Variants in CCT6B observed in about 807,000 individuals in gnomAD.
The protein encoded by CCT6B is chaperonin containing TCP1 subunit 6B.
In CCT6B, 49 loss-of-function variants were observed where a neutral mutation model predicts 61.5. The ratio of observed to expected loss-of-function variants is 0.80; its 90% CI spans 0.63 to 1.01. The LOEUF is 1.01. CCT6B is among the 50% of genes least tolerant of loss of function. CCT6B has a pLI of 0.00. For synonymous variants in CCT6B, 228 were observed against 214.5 expected, an observed-to-expected ratio of 1.06 and a Z score of -0.55; for missense variants, 666 against 634.7, an observed-to-expected ratio of 1.05 and a Z score of -0.53.
intron 12 of CCT6B, 120 bp from the exon 13 acceptor site, chr17:34,929,154 CTCCATA>C: frequency 3.1e-6 from 2 of 644,130 alleles, no homozygotes; most frequent in Non-Finnish European, 5.6e-6. Context: ...CATCAATGAC[CTCCATA>C]TTGTTAAATC....
At chr17:34,948,182 T>C (rs1300611517) in intron 5 of CCT6B, among the ~76,000 whole-genome samples, 1 of 152,052 alleles carries the variant, frequency 6.6e-6, no homozygotes, top group Non-Finnish European at 1.5e-5. Context: ...TGTGTAGTCT[T>C]TTATCCCTCA....
intron 5 of CCT6B, among the ~76,000 whole-genome samples, chr17:34,945,347 T>C (rs944159973): frequency 2.6e-5 from 4 of 152,212 alleles, no homozygotes; most frequent in East Asian, 1.9e-4. Context: ...GGATGCCTAA[T>C]AGGCATCTCA....
In CCT6B at chr17:34,952,048, C is replaced by A. The variant is rs200274773; in HGVS notation, c.516G>T (p.Val172=). The change falls in exon 5 of 14, where the codon GTG becomes GTT. Residue 172 remains valine, a synonymous_variant. Coordinates refer to ENST00000314144, the MANE Select transcript of CCT6B (RefSeq NM_006584.4). ...TTCTAACAGCCAAAACAGAATCCAC[C>A]ACAACCTGAAAGAGAAATGAATGAG... The part of the protein sequence containing the change: ...AELADVLTEV[V]VDSVLAVRRP... 5 of 1,591,542 alleles carry A rather than the reference C, an allele frequency of 3.1e-6. No individual in the cohort carries two copies. Among genetic ancestry groups the A allele is most frequent in the Non-Finnish European group, 4.3e-6 (5 of 1,160,882 alleles).
intron 3 of CCT6B, among the ~76,000 whole-genome samples, chr17:34,958,300 C>A (rs1004221933): frequency 6.6e-6 from 1 of 152,034 alleles, no homozygotes; most frequent in South Asian, 2.1e-4. Context: ...AAACATTAGC[C>A]AGGCATGATG....
At chr17:34,960,926 G>C (rs2090406754) in intron 1 of CCT6B, among the ~76,000 whole-genome samples, 1 of 152,208 alleles carries the variant, frequency 6.6e-6, no homozygotes, top group Non-Finnish European at 1.5e-5. Context: ...TGAATTTATG[G>C]ACCAAGGGTA....
intron 11 of CCT6B, among the ~76,000 whole-genome samples, chr17:34,932,158 G>GTT (rs1414330341): frequency 6.6e-6 from 1 of 152,202 alleles, no homozygotes; most frequent in African/African-American, 2.4e-5. Flanking sequence ...AAGGGGGTAA[G>GTT]TTGGCTATTT....
intron 11 of CCT6B, 50 bp from the exon 12 acceptor site, chr17:34,931,101 T>A: frequency 1.8e-6 from 1 of 559,860 alleles, no homozygotes; most frequent in Non-Finnish European, 2.7e-6. Flanking sequence ...GCATAATACC[T>A]TCACATATAT....
Position 34,928,950 on chromosome 17 carries a change from A to C in CCT6B, c.1523+12T>G. 2 of 1,443,768 alleles carry C rather than the reference A, an allele frequency of 1.4e-6. No homozygotes were observed. Among genetic ancestry groups the C allele is most frequent in the Non-Finnish European group, 1.9e-6 (2 of 1,028,330 alleles). 89.4% of individuals were successfully genotyped at this position (1,443,768 alleles called of 1,614,324 possible). On this transcript the variant is annotated intron_variant, in intron 13 of 13. Transcript: ENST00000314144. ...TCTACAGGTCTTTCACTTTATGTTC[A>C]TATGAACTTACCAAGAGTGAAGAAG...
intron 9 of CCT6B, 46 bp from the exon 10 acceptor site, chr17:34,939,376 T>C (rs770948415): frequency 6.7e-7 from 1 of 1,483,834 alleles, no homozygotes; most frequent in Non-Finnish European, 9.3e-7. Context: ...TTGATGTCAT[T>C]ATAAAATCAA....
chr17:34,931,419 C>G (rs1422899018), intron 11 of CCT6B, among the ~76,000 whole-genome samples: 1 of 152,080 alleles, frequency 6.6e-6, no homozygotes, highest in Non-Finnish European at 1.5e-5. Context: ...GCCACATGCC[C>G]TCCAGTTCTT....
At chr17:34,947,785 C>T (rs2090241143) in intron 5 of CCT6B, among the ~76,000 whole-genome samples, 1 of 151,868 alleles carries the variant, frequency 6.6e-6, no homozygotes, top group Non-Finnish European at 1.5e-5. Flanking sequence ...AGTTCAAAAC[C>T]AGCCTGGCCA....
In CCT6B at chr17:34,930,009, G is replaced by C. The variant is rs189168703; in HGVS notation, c.1450+940C>G. ...TGATTGCAACTCCAACCTTCTACTT[G>C]TTCAGTTGACTTCTCTACAAAGTGG... On this transcript the variant is annotated intron_variant, in intron 12 of 13. Coordinates refer to ENST00000314144, the MANE Select transcript of CCT6B (RefSeq NM_006584.4). 1.4e-3 allele frequency among the ~76,000 whole-genome samples: 219 copies of C among 152,218 alleles called. 2 individuals carry two copies. The highest frequency in any genetic ancestry group is 4.9e-3 in the African/African-American group (203 of 41,546).
chr17:34,951,279 G>A (rs1424790313), intron 5 of CCT6B, among the ~76,000 whole-genome samples: 2 of 151,102 alleles, frequency 1.3e-5, no homozygotes, highest in Non-Finnish European at 2.9e-5. Flanking sequence ...AAAAGCAGGG[G>A]GTTTATGTTT....
intron 1 of CCT6B, among the ~76,000 whole-genome samples, chr17:34,960,850 C>T (rs2090405759): frequency 6.6e-6 from 1 of 152,208 alleles, no homozygotes; most frequent in African/African-American, 2.4e-5. Flanking sequence ...CCCATGCCTT[C>T]CTGGCTCCAA....
chr17:34,951,940 T>C lies in CCT6B; in HGVS notation c.614+10A>G, dbSNP rs1409731808. On this transcript the variant is annotated intron_variant, in intron 5 of 13. Transcript: ENST00000314144. ...AGAACCCATATGTTGTCAAAGCTTA[T>C]GTAATTTACTTTGTATCTGTTCCTA... The C allele has an allele frequency of 1.5e-6, 2 of 1,364,472 alleles. No homozygotes were observed. Among genetic ancestry groups the C allele is most frequent in the Admixed American group, 3.7e-5 (2 of 54,704 alleles). 84.5% of individuals were successfully genotyped at this position (1,364,472 alleles called of 1,614,324 possible). A position where few individuals can be genotyped will look rare whatever the true frequency, so the allele number is the denominator to read the frequency against.
intron 10 of CCT6B, among the ~76,000 whole-genome samples, chr17:34,936,952 A>G (rs2090101389): frequency 6.6e-6 from 1 of 152,084 alleles, no homozygotes; most frequent in Non-Finnish European, 1.5e-5. Context: ...CAGGAGTTTG[A>G]GACCAGCCTG....
intron 11 of CCT6B, 80 bp from the exon 12 acceptor site, chr17:34,931,131 T>C: frequency 2.4e-6 from 1 of 416,548 alleles, no homozygotes; most frequent in South Asian, 6.3e-5. Context: ...AAATACTCTT[T>C]ACTCTTGTAA....
At chr17:34,938,746 G>T (rs1226796198) in intron 10 of CCT6B, among the ~76,000 whole-genome samples, 9 of 151,804 alleles carry the variant, frequency 5.9e-5, no homozygotes, top group African/African-American at 2.4e-5. Context: ...GGTCTCAAAA[G>T]AAATAAATAG....
rs754025813 is a variant in CCT6B at position 34,940,619 on chromosome 17, T to C, written c.888A>G (p.Gly296=). ...NKGFVVINQK[G]IDPFSLDSLA... is the part of the protein sequence containing the mutation. ...GAGAATCTAAGGAAAATGGATCAAT[T>C]CCCTATAATCAAATTAACATAAAAA... The change falls in exon 8 of 14, where the codon GGA becomes GGG. Residue 296 remains glycine (G), a splice_region_variant and synonymous_variant. Transcript: ENST00000314144. The C allele has an allele frequency of 1.6e-5, 23 of 1,466,516 alleles. No homozygotes were observed. The highest frequency in any genetic ancestry group is 2.2e-5 in the Non-Finnish European group (23 of 1,065,748). 90.8% of individuals were successfully genotyped at this position (1,466,516 alleles called of 1,614,324 possible).
Sources: allele counts gnomAD v4.1 joint callset (sites outside exome capture counted in the v4.1 genomes callset), GRCh38; gene constraint gnomAD v4.1.1; transcripts MANE v1.5; gene names NCBI Gene and HGNC (gene_info 2026-07-23, HGNC 2026-07-21).